The following CAMSAP2 variants were observed in gnomAD, a reference collection of about 807,000 sequenced individuals.
The protein encoded by CAMSAP2 is calmodulin regulated spectrin associated protein family member 2, also known as calmodulin-regulated spectrin-associated protein 2.
Under a neutral mutation model 146.1 loss-of-function variants are expected in CAMSAP2, and 26 were observed. That is an observed-to-expected ratio of 0.18 (90% confidence interval 0.13 to 0.25). The LOEUF (loss-of-function observed/expected upper bound fraction) is 0.25. Ranked by LOEUF, CAMSAP2 falls within the 10% of genes least tolerant of loss-of-function variation. CAMSAP2 has a pLI of 1.00. For missense variants in CAMSAP2, 1,381 were observed against 1,759.3 expected, an observed-to-expected ratio of 0.78 and a Z score of 3.85; for synonymous variants, 499 against 596.6, an observed-to-expected ratio of 0.84 and a Z score of 2.38.
chr1:200,852,414 T>G, intron 11 of CAMSAP2, 127 bp from the exon 12 acceptor site: 1 of 977,792 alleles, frequency 1.0e-6, no homozygotes, highest in Non-Finnish European at 1.5e-6. Context: ...CACACCCACA[T>G]TCAGAAGGGT....
intron 2 of CAMSAP2, among the ~76,000 whole-genome samples, chr1:200,806,936 A>G (rs1339900925): frequency 6.6e-6 from 1 of 152,114 alleles, no homozygotes; most frequent in African/African-American, 2.4e-5. Context: ...AGTGTGAGAA[A>G]TGTTTGGGTC....
chr1:200,787,898 G>C (rs756543758), intron 2 of CAMSAP2, among the ~76,000 whole-genome samples: 24 of 152,154 alleles, frequency 1.6e-4, no homozygotes, highest in Non-Finnish European at 3.1e-4. Flanking sequence ...GAAGGCTTGG[G>C]TGATTGTTAG....
intron 2 of CAMSAP2, among the ~76,000 whole-genome samples, chr1:200,783,846 T>A (rs1490989058): frequency 6.6e-6 from 1 of 152,128 alleles, no homozygotes. Context: ...TGAAGACCAG[T>A]TTACAATTTT....
chr1:200,817,627 A>G (rs1445508007), intron 4 of CAMSAP2, among the ~76,000 whole-genome samples: 1 of 152,190 alleles, frequency 6.6e-6, no homozygotes, highest in Admixed American at 6.5e-5. Flanking sequence ...TTCTTATTCC[A>G]CTATTCACTG....
chr1:200,842,226 C>A, intron 7 of CAMSAP2, 139 bp downstream of exon 7: 1 of 624,518 alleles, frequency 1.6e-6, no homozygotes, highest in Non-Finnish European at 2.8e-6. Flanking sequence ...GATAGATTCT[C>A]CTAACCTCTT....
chr1:200,817,020 A>G (rs1384736515), intron 4 of CAMSAP2, among the ~76,000 whole-genome samples: 1 of 140,106 alleles, frequency 7.1e-6, no homozygotes, highest in East Asian at 2.2e-4. Context: ...ATACACACGT[A>G]TATATGTGTA....
intron 1 of CAMSAP2, among the ~76,000 whole-genome samples, chr1:200,748,174 G>T (rs189428090): frequency 6.6e-6 from 1 of 151,974 alleles, no homozygotes; most frequent in Non-Finnish European, 1.5e-5. Flanking sequence ...AATCTTTCAT[G>T]TACCCATCAT....
chr1:200,768,417 G>A (rs536460098), intron 2 of CAMSAP2, among the ~76,000 whole-genome samples: 32 of 152,296 alleles, frequency 2.1e-4, no homozygotes, highest in South Asian at 1.0e-3. Flanking sequence ...GTTAGATAGG[G>A]TTAGGGCATG....
chr1:200,752,679 G>A (rs546011642), intron 1 of CAMSAP2, among the ~76,000 whole-genome samples: 255 of 150,918 alleles, frequency 1.7e-3, no homozygotes, highest in African/African-American at 6.1e-3. Context: ...GTGCAGTGGC[G>A]CCATCTCAGC....
In CAMSAP2 at chr1:200,816,942, A is replaced by G. The variant is rs550730687; in HGVS notation, c.645+1298A>G. 2.6e-4 allele frequency among the ~76,000 whole-genome samples: 18 copies of G among 69,594 alleles called. 5 individuals carry two copies. Among genetic ancestry groups the G allele is most frequent in the Non-Finnish European group, 4.2e-4 (15 of 35,964 alleles). The allele number at this position is 69,594 out of a possible 152,430, so 45.7% of individuals were successfully genotyped here. A position where few individuals can be genotyped will look rare whatever the true frequency, so the allele number is the denominator to read the frequency against. ...TGTGTGTACACACACACGCGTGTGT[A>G]TGTGTGTACACACACACGCGTGTGT... On this transcript the variant is annotated intron_variant, in intron 4 of 16. Transcript: ENST00000358823.
chr1:200,836,459 A>G (rs553074740), intron 6 of CAMSAP2, among the ~76,000 whole-genome samples: 7 of 152,178 alleles, frequency 4.6e-5, no homozygotes, highest in Non-Finnish European at 1.0e-4. Context: ...TCCATAGTGT[A>G]TATGTACCCC....
At chr1:200,827,135 A>T (rs1387492357) in intron 4 of CAMSAP2, among the ~76,000 whole-genome samples, 3 of 152,218 alleles carry the variant, frequency 2.0e-5, no homozygotes, top group Non-Finnish European at 4.4e-5. Context: ...CACACAGCCA[A>T]TCTGTGGGTT....
intron 8 of CAMSAP2, 143 bp from the exon 9 acceptor site, chr1:200,847,067 T>G: frequency 1.7e-6 from 1 of 576,108 alleles, no homozygotes; most frequent in Admixed American, 3.4e-5. Flanking sequence ...AGCCATTCTT[T>G]GGTTTAAACA....
In CAMSAP2 at chr1:200,739,639, G is replaced by GCGGCGC. The variant is rs1664088876; in HGVS notation, c.-185_-184insGCCGGC. The GCGGCGC allele has an allele frequency of 2.6e-6, 1 of 387,366 alleles. No individual in the cohort carries two copies. Among genetic ancestry groups the GCGGCGC allele is most frequent in the African/African-American group, 2.1e-5 (1 of 46,810 alleles). 24.0% of individuals were successfully genotyped at this position (387,366 alleles called of 1,614,324 possible). On this transcript the variant is annotated 5_prime_UTR_variant, in exon 1 of 17. Transcript: ENST00000358823. The surrounding 1 kb of genome is among the most constrained non-coding windows in gnomAD (Gnocchi z 4.8). ...CCCGGGAGCGGCGGCGGCGGCGGCG[G>GCGGCGC]CGGCTCCCGCGGGAGGCGGCAGGCG...
At chr1:200,773,227 A>G (rs903805034) in intron 2 of CAMSAP2, among the ~76,000 whole-genome samples, 9 of 152,088 alleles carry the variant, frequency 5.9e-5, no homozygotes, top group Admixed American at 4.6e-4. Flanking sequence ...GCATATATTA[A>G]CCATGACTTT....
At chr1:200,804,309 G>C (rs917082132) in intron 2 of CAMSAP2, among the ~76,000 whole-genome samples, 2 of 151,548 alleles carry the variant, frequency 1.3e-5, no homozygotes, top group Non-Finnish European at 2.9e-5. Flanking sequence ...ATTATAGTGT[G>C]GTATTCTGTT....
At chr1:200,811,506 C>G (rs1666330437) in intron 3 of CAMSAP2, among the ~76,000 whole-genome samples, 1 of 152,140 alleles carries the variant, frequency 6.6e-6, no homozygotes, top group African/African-American at 2.4e-5. Flanking sequence ...AGGGTAAGGC[C>G]ATATAAACAT....
intron 6 of CAMSAP2, among the ~76,000 whole-genome samples, chr1:200,837,371 T>A (rs892115547): frequency 6.6e-6 from 1 of 152,166 alleles, no homozygotes; most frequent in Non-Finnish European, 1.5e-5. Context: ...TTTGCTTTGG[T>A]CAGCTTTTTC....
At position 200,807,490 on chromosome 1, in the gene CAMSAP2, G is replaced by C. The variant is rs1487478388; in HGVS notation, c.514G>C (p.Asp172His). ...QQYSAFFQAT[D>H]LPYDIEDAVM... Reference sequence around the variant, plus strand: ...GTATTCAGCTTTTTTTCAAGCCACAGATCTGCCCTATGATATTGAGGACGC... The same window carrying C: ...GTATTCAGCTTTTTTTCAAGCCACACATCTGCCCTATGATATTGAGGACGC... Residue 172 changes from aspartate to histidine, a missense_variant, in exon 3 of 17, where the codon GAT (aspartate) becomes CAT (histidine). Coordinates refer to ENST00000358823, the MANE Select transcript of CAMSAP2 (RefSeq NM_203459.4). 1 of 1,611,612 alleles carries C rather than the reference G, an allele frequency of 6.2e-7. No homozygotes were observed. Among genetic ancestry groups the C allele is most frequent in the Non-Finnish European group, 8.5e-7 (1 of 1,178,800 alleles).
Sources: gnomAD v4.1 joint callset for allele counts (sites outside exome capture counted in the v4.1 genomes callset) on GRCh38, gnomAD v4.1.1 for gene constraint, Gnocchi (gnomAD v3.1) non-coding constraint, MANE v1.5 for transcripts, NCBI Gene and HGNC (gene_info 2026-07-23, HGNC 2026-07-21) for gene names.